The following FBXW10B variants were observed in gnomAD, a reference collection of about 807,000 sequenced individuals.
FBXW10B encodes the protein F-box and WD repeat domain containing 10B.
chr17:15,617,666 A>C, the FBXW10B span, among the ~76,000 whole-genome samples: 1 of 152,122 alleles, frequency 6.6e-6, no homozygotes, highest in African/African-American at 2.4e-5. Context: ...GTTTAAAAGA[A>C]ACTGACACCC....
chr17:15,595,265 G>C, the FBXW10B span, among the ~76,000 whole-genome samples: 1 of 152,122 alleles, frequency 6.6e-6, no homozygotes, highest in Admixed American at 6.5e-5. Flanking sequence ...GCTTGAACCA[G>C]GGAGATGGAG....
the FBXW10B span, among the ~76,000 whole-genome samples, chr17:15,614,416 G>A: frequency 1.3e-5 from 2 of 151,504 alleles, no homozygotes; most frequent in Admixed American, 6.6e-5. Context: ...GGATGGTCTC[G>A]ATCTCCTGAC....
chr17:15,608,642 C>T, the FBXW10B span, among the ~76,000 whole-genome samples: 1 of 151,972 alleles, frequency 6.6e-6, no homozygotes, highest in South Asian at 2.1e-4. Flanking sequence ...TTAGTAGCGA[C>T]GGAGTTTCAC....
the FBXW10B span, among the ~76,000 whole-genome samples, chr17:15,592,296 T>A: frequency 8.5e-5 from 1 of 11,826 alleles, no homozygotes; most frequent in African/African-American, 1.9e-4. Flanking sequence ...ATGGCCAGAG[T>A]TTTTTTTTTT....
At chr17:15,611,388 T>C in the FBXW10B span, among the ~76,000 whole-genome samples, 1 of 152,220 alleles carries the variant, frequency 6.6e-6, no homozygotes, top group East Asian at 1.9e-4. Flanking sequence ...CAGCATTTAA[T>C]AAAAGCAAGA....
At chr17:15,594,985 C>T in the FBXW10B span, 1 of 1,546,684 alleles carries the variant, frequency 6.5e-7, no homozygotes, top group Non-Finnish European at 8.8e-7. Context: ...AGCCACCCCC[C>T]AACCAATCTG....
chr17:15,575,724 C>T, the FBXW10B span, among the ~76,000 whole-genome samples: 1 of 151,322 alleles, frequency 6.6e-6, no homozygotes, highest in East Asian at 1.9e-4. Flanking sequence ...TTGATTGCTC[C>T]AGCTTGGGCC....
the FBXW10B span, chr17:15,596,717 GA>G: frequency 0.15 from 240,705 of 1,577,392 alleles, 21,444 homozygotes; most frequent in Admixed American, 0.31. Context: ...GGGGGAAAAG[GA>G]AAGGTTACAG....
the FBXW10B span, among the ~76,000 whole-genome samples, chr17:15,599,999 GA>G: frequency 6.6e-6 from 1 of 151,748 alleles, no homozygotes; most frequent in African/African-American, 2.4e-5. Flanking sequence ...AGCAGATCAC[GA>G]GGTCAGGAGA....
At chr17:15,608,223 C>T in the FBXW10B span, among the ~76,000 whole-genome samples, 1 of 143,920 alleles carries the variant, frequency 6.9e-6, no homozygotes, top group Non-Finnish European at 1.5e-5. Context: ...TGTAGTGGTG[C>T]AATCTCAGCT....
chr17:15,579,117 C>A, the FBXW10B span, among the ~76,000 whole-genome samples: 4 of 149,872 alleles, frequency 2.7e-5, no homozygotes, highest in Admixed American at 2.6e-4. Flanking sequence ...AGAGTTTGAG[C>A]ATTTTTTAGA....
At chr17:15,595,981 C>A in the FBXW10B span, among the ~76,000 whole-genome samples, 1 of 149,246 alleles carries the variant, frequency 6.7e-6, no homozygotes, top group Non-Finnish European at 1.5e-5. Context: ...CTGATTCAAG[C>A]AATTTTCCTG....
chr17:15,572,865 A>C, the FBXW10B span: 1 of 151,338 alleles, frequency 6.6e-6, no homozygotes, highest in African/African-American at 2.4e-5. Flanking sequence ...GCAGTGGGAG[A>C]AGCCAGAAAT....
the FBXW10B span, among the ~76,000 whole-genome samples, chr17:15,593,818 G>A: frequency 4.3e-3 from 656 of 152,124 alleles, 4 homozygotes; most frequent in African/African-American, 0.015. Context: ...TAGTAGAGAC[G>A]GGGTTTCACC....
the FBXW10B span, among the ~76,000 whole-genome samples, chr17:15,617,035 G>A: frequency 6.6e-6 from 1 of 152,048 alleles, no homozygotes; most frequent in Non-Finnish European, 1.5e-5. Flanking sequence ...CAGCCCACGT[G>A]GTGGGTGACC....
the FBXW10B span, among the ~76,000 whole-genome samples, chr17:15,594,121 A>G: frequency 4.6e-5 from 7 of 152,088 alleles, no homozygotes; most frequent in Admixed American, 1.3e-4. Context: ...TTTGATTCCT[A>G]GAGTTTACTT....
At chr17:15,618,060 TG>T in the FBXW10B span, among the ~76,000 whole-genome samples, 3 of 152,192 alleles carry the variant, frequency 2.0e-5, no homozygotes, top group African/African-American at 7.2e-5. Flanking sequence ...TTGAGTGCAG[TG>T]GCTCACGCCT....
chr17:15,607,609 G>A, the FBXW10B span: 110 of 1,613,824 alleles, frequency 6.8e-5, no homozygotes, highest in Non-Finnish European at 8.7e-5. Context: ...AGGTCCCACA[G>A]AAAACATTTC....
At chr17:15,593,097 T>C in the FBXW10B span, among the ~76,000 whole-genome samples, 1 of 140,818 alleles carries the variant, frequency 7.1e-6, no homozygotes, top group South Asian at 2.4e-4. Flanking sequence ...AGTGAAACTA[T>C]GTCTCAAAAA....
Sources: allele counts gnomAD v4.1 joint callset (sites outside exome capture counted in the v4.1 genomes callset), GRCh38; gene constraint gnomAD v4.1.1; transcripts MANE v1.5; gene names NCBI Gene and HGNC (gene_info 2026-07-23, HGNC 2026-07-21).